SLC36A1: variants seen among roughly 807,000 people sequenced by gnomAD.
The protein encoded by SLC36A1 is solute carrier family 36 member 1, also known as proton-coupled amino acid transporter 1.
SLC36A1 carries 30 observed loss-of-function variants against 47.5 expected under a neutral mutation model. The observed-to-expected ratio is 0.63, with a 90% CI of 0.47 to 0.86. SLC36A1 has a LOEUF of 0.86. Among genes scored for constraint, SLC36A1 ranks in the 40% least tolerant of loss-of-function variants. SLC36A1 has a pLI of 0.00. For missense variants in SLC36A1, 517 were observed against 606.0 expected (o/e 0.85, Z 1.54); for synonymous variants, 255 against 249.7 (o/e 1.02, Z -0.20).
At chr5:151,386,475 G>A in the SLC36A1 span, among the ~76,000 whole-genome samples, 1 of 152,100 alleles carries the variant, frequency 6.6e-6, no homozygotes, top group Non-Finnish European at 1.5e-5. Flanking sequence ...CTTACCTGGT[G>A]ACTTCTGTCA....
intron 1 of SLC36A1, chr5:151,452,462 G>A (rs1156593555): frequency 1.3e-5 from 2 of 152,218 alleles, no homozygotes; most frequent in African/African-American, 4.8e-5. Flanking sequence ...TTGCAAACAA[G>A]GGGCGCCAAT....
the SLC36A1 span, among the ~76,000 whole-genome samples, chr5:151,374,264 A>C: frequency 1.8e-4 from 28 of 152,274 alleles, no homozygotes; most frequent in East Asian, 5.2e-3. Context: ...AGGACTATGA[A>C]ACCCCTGTCC....
At chr5:151,414,374 G>A in the SLC36A1 span, among the ~76,000 whole-genome samples, 25,537 of 144,340 alleles carry the variant, frequency 0.18, 2,390 homozygotes, top group East Asian at 0.38. Flanking sequence ...TAGCCCAGAC[G>A]TGTTGAAGCA....
the SLC36A1 span, among the ~76,000 whole-genome samples, chr5:151,399,084 A>ATATATATATATATATATATATATAT: frequency 1.7e-5 from 1 of 60,036 alleles, no homozygotes; most frequent in Non-Finnish European, 3.5e-5. Context: ...ATATATATAT[A>ATATATATATATATATATATATATAT]TTTTTTTTTT....
chr5:151,508,943 A>G, the SLC36A1 span, among the ~76,000 whole-genome samples: 1 of 152,136 alleles, frequency 6.6e-6, no homozygotes, highest in Non-Finnish European at 1.5e-5. Flanking sequence ...CTTGGAATCT[A>G]TATTTTTCAT....
rs1270344426 is a variant in SLC36A1 at position 151,488,152 on chromosome 5, G to A, written c.1329G>A (p.Leu443=). ...TIFKDALISI[L]GFVGFVVGTY... is the part of the protein sequence containing the mutation. ...TTAAGGACGCCCTGATCAGCATCCT[G>A]GGCTTCGTGGGCTTTGTGGTGGGGA... The change falls in exon 11 of 11, where the codon CTG becomes CTA. Residue 443 remains leucine (L), a synonymous_variant. Transcript: ENST00000243389. 2 of 1,614,046 alleles carry A rather than the reference G, an allele frequency of 1.2e-6. No individual in the cohort carries two copies. The highest frequency in any genetic ancestry group is 1.3e-5 in the African/African-American group (1 of 74,916).
chr5:151,540,705 G>A, the SLC36A1 span: 6 of 1,614,088 alleles, frequency 3.7e-6, no homozygotes, highest in South Asian at 1.1e-5. Context: ...TCTTCCTTGA[G>A]GAAATCCTCC....
the SLC36A1 span, among the ~76,000 whole-genome samples, chr5:151,383,637 A>G: frequency 1.0e-4 from 14 of 140,666 alleles, no homozygotes; most frequent in African/African-American, 3.9e-4. Context: ...CAGTGGCACC[A>G]TCTCGGCTCA....
chr5:151,361,787 C>A, the SLC36A1 span, among the ~76,000 whole-genome samples: 4 of 152,116 alleles, frequency 2.6e-5, no homozygotes, highest in African/African-American at 9.7e-5. Context: ...ATTCTATCAT[C>A]TTCTGTTTAT....
At chr5:151,444,617 C>T (rs927597494), upstream of SLC36A1, among the ~76,000 whole-genome samples, 2 of 152,176 alleles carry the variant, frequency 1.3e-5, no homozygotes, top group African/African-American at 2.4e-5. Flanking sequence ...TCTCAAGTAG[C>T]TTGGACTACA....
the SLC36A1 span, chr5:151,551,469 G>A: frequency 6.2e-7 from 1 of 1,614,028 alleles, no homozygotes; most frequent in South Asian, 1.1e-5. Flanking sequence ...CCTCTAACCT[G>A]TGTGGCAATG....
the SLC36A1 span, among the ~76,000 whole-genome samples, chr5:151,399,286 CA>C: frequency 6.6e-6 from 1 of 151,570 alleles, no homozygotes; most frequent in Admixed American, 6.6e-5. Flanking sequence ...AGGGTTTCAC[CA>C]CGTTGTCCAG....
At chr5:151,434,342 TTAAA>T (rs1267104564), upstream of SLC36A1, among the ~76,000 whole-genome samples, 5 of 152,234 alleles carry the variant, frequency 3.3e-5, no homozygotes, top group African/African-American at 4.8e-5. Flanking sequence ...GGAAAGTTAA[TTAAA>T]TAAAACTTCT....
the SLC36A1 span, among the ~76,000 whole-genome samples, chr5:151,404,702 G>A: frequency 6.6e-5 from 10 of 152,106 alleles, no homozygotes; most frequent in African/African-American, 2.4e-4. Flanking sequence ...ATTCTTGGTT[G>A]GAATTTCTTT....
the SLC36A1 span, among the ~76,000 whole-genome samples, chr5:151,397,052 C>T: frequency 6.6e-6 from 1 of 152,214 alleles, no homozygotes; most frequent in Non-Finnish European, 1.5e-5. Context: ...GACAGAGCAG[C>T]ATCAGTCCAC....
chr5:151,382,662 T>C, the SLC36A1 span, among the ~76,000 whole-genome samples: 1 of 152,192 alleles, frequency 6.6e-6, no homozygotes, highest in Non-Finnish European at 1.5e-5. Flanking sequence ...AAGAAATCAA[T>C]TGTGGCACAT....
rs148151658 is a variant in SLC36A1 at position 151,474,249 on chromosome 5, G to A, written c.822+478G>A. On this transcript the variant is annotated intron_variant, in intron 8 of 10. Coordinates refer to ENST00000243389, the MANE Select transcript of SLC36A1 (RefSeq NM_078483.4). Reference sequence around the variant, plus strand: ...TCGGGGATTCCATTGAGATTTCCCAGCTTCAACTTTTCAAGACAAATTATA... The same window carrying A: ...TCGGGGATTCCATTGAGATTTCCCAACTTCAACTTTTCAAGACAAATTATA... Among the ~76,000 whole-genome samples the A allele has an allele frequency of 4.2e-3, 639 of 151,214 alleles. 4 individuals carry two copies. Among genetic ancestry groups the A allele is most frequent in the African/African-American group, 0.015 (606 of 41,134 alleles).
the SLC36A1 span, chr5:151,550,925 C>T: frequency 6.4e-7 from 1 of 1,550,602 alleles, no homozygotes; most frequent in Non-Finnish European, 8.8e-7. Flanking sequence ...GGAACAGGGA[C>T]TGGGTCTGTC....
At chr5:151,423,227 C>T in the SLC36A1 span, among the ~76,000 whole-genome samples, 1 of 152,160 alleles carries the variant, frequency 6.6e-6, no homozygotes, top group Non-Finnish European at 1.5e-5. Context: ...GATAGTTTGG[C>T]AGTTTCTTAC....
Sources: allele counts gnomAD v4.1 joint callset (sites outside exome capture counted in the v4.1 genomes callset), GRCh38; gene constraint gnomAD v4.1.1; transcripts MANE v1.5; gene names NCBI Gene and HGNC (gene_info 2026-07-23, HGNC 2026-07-21).